Variants in GPC6 observed in about 807,000 individuals in gnomAD.
GPC6 encodes glypican-6.
A neutral mutation model predicts 55.2 loss-of-function variants in GPC6; 14 were observed. The observed-to-expected ratio is 0.25, with a 90% CI of 0.17 to 0.40. The LOEUF (loss-of-function observed/expected upper bound fraction) is 0.40. GPC6 is among the 10% of genes least tolerant of loss of function. The pLI is 1.00. For missense variants in GPC6, 641 were observed against 708.5 expected (o/e 0.90, Z 1.08); for synonymous variants, 278 against 259.6 (o/e 1.07, Z -0.68).
chr13:93,679,844 A>G (rs1046965889), intron 2 of GPC6, among the ~76,000 whole-genome samples: 1 of 151,696 alleles, frequency 6.6e-6, no homozygotes, highest in African/African-American at 2.4e-5. Context: ...AAAAAAATGA[A>G]CAAAGCAGTC....
At chr13:93,456,581 G>A (rs1412169211) in intron 1 of GPC6, among the ~76,000 whole-genome samples, 5 of 151,894 alleles carry the variant, frequency 3.3e-5, no homozygotes, top group Non-Finnish European at 5.9e-5. Context: ...ACAAAGAACC[G>A]CAAACTGGGT....
At chr13:94,333,521 G>A (rs1047231459) in intron 6 of GPC6, among the ~76,000 whole-genome samples, 2 of 152,170 alleles carry the variant, frequency 1.3e-5, no homozygotes, top group Admixed American at 6.5e-5. Flanking sequence ...TCAATGCATT[G>A]TCCTTTAGTT....
chr13:93,776,841 G>T (rs931051222), intron 2 of GPC6, among the ~76,000 whole-genome samples: 1 of 152,246 alleles, frequency 6.6e-6, no homozygotes, highest in East Asian at 1.9e-4. Flanking sequence ...TGACTGGTTT[G>T]CAGGCTTACA....
chr13:94,280,388 C>T (rs894141969), intron 4 of GPC6, among the ~76,000 whole-genome samples: 1 of 152,174 alleles, frequency 6.6e-6, no homozygotes, highest in African/African-American at 2.4e-5. Context: ...CTTATGTACT[C>T]CTCAGTCCCC....
At chr13:93,355,027 C>A (rs768395173) in intron 1 of GPC6, among the ~76,000 whole-genome samples, 10 of 152,142 alleles carry the variant, frequency 6.6e-5, no homozygotes, top group Non-Finnish European at 1.0e-4. Context: ...GTTGCAGAAG[C>A]TATAAGGAGT....
At chr13:94,012,565 G>T (rs973206344) in intron 3 of GPC6, among the ~76,000 whole-genome samples, 1 of 152,078 alleles carries the variant, frequency 6.6e-6, no homozygotes, top group African/African-American at 2.4e-5. Context: ...TTTATGTTTT[G>T]TACATCCAGA....
Position 93,227,735 on chromosome 13 carries a change from G to A in GPC6, c.160+119G>A. The stretch of plus-strand genomic sequence containing the variant: ...GAGTTGGTGCTCACTTTCTGCCACC[G>A]CTATGGGACTCCGCGTCTCCGTGTT... On this transcript the variant is annotated intron_variant, in intron 1 of 8. Coordinates refer to ENST00000377047, the MANE Select transcript of GPC6 (RefSeq NM_005708.5). The surrounding 1 kb of genome is among the most constrained non-coding windows in gnomAD (Gnocchi z 4.3). 1.3e-6 allele frequency: 1 copy of A among 742,788 alleles called. No individual in the cohort carries two copies. Among genetic ancestry groups the A allele is most frequent in the African/African-American group, 1.8e-5 (1 of 56,940 alleles). 46.0% of individuals were successfully genotyped at this position (742,788 alleles called of 1,614,324 possible).
intron 8 of GPC6, 116 bp downstream of exon 8, chr13:94,398,757 C>T: frequency 1.2e-6 from 1 of 835,258 alleles, no homozygotes; most frequent in South Asian, 1.4e-5. Flanking sequence ...CATTCTTCCT[C>T]AGGCTGTGAT....
chr13:93,330,890 C>T (rs184983977), intron 1 of GPC6, among the ~76,000 whole-genome samples: 1 of 152,284 alleles, frequency 6.6e-6, no homozygotes, highest in East Asian at 1.9e-4. Context: ...AACATCATAT[C>T]TTCTTACAGT....
chr13:93,450,075 C>T lies in GPC6; in HGVS notation c.161-95188C>T, dbSNP rs574295908. 5.3e-5 allele frequency among the ~76,000 whole-genome samples: 8 copies of T among 152,222 alleles called. No homozygotes were observed. The South Asian group carries it at 8.3e-4, about 16-fold the overall frequency. On this transcript the variant is annotated intron_variant, in intron 1 of 8. Coordinates refer to ENST00000377047, the MANE Select transcript of GPC6 (RefSeq NM_005708.5). ...GTGTGCGATTACAGGCGTGAGCCAC[C>T]GCGCCTGGCCAGGTTCCACTCTTGC... is the stretch of plus-strand genomic sequence containing the variant.
At chr13:94,183,635 A>G (rs1177843874) in intron 4 of GPC6, among the ~76,000 whole-genome samples, 11 of 152,184 alleles carry the variant, frequency 7.2e-5, no homozygotes, top group African/African-American at 2.7e-4. Context: ...TCATGAAACC[A>G]CCAAACAGTT....
chr13:94,075,151 C>T (rs1884865232), intron 4 of GPC6, among the ~76,000 whole-genome samples: 1 of 152,120 alleles, frequency 6.6e-6, no homozygotes, highest in African/African-American at 2.4e-5. Flanking sequence ...GAAGTCATAA[C>T]CAATTTATGA....
chr13:94,041,431 A>T (rs1057086479), intron 4 of GPC6, among the ~76,000 whole-genome samples: 1 of 151,890 alleles, frequency 6.6e-6, no homozygotes, highest in Non-Finnish European at 1.5e-5. Context: ...AGAAGGCATT[A>T]GGGGACTTAT....
intron 3 of GPC6, among the ~76,000 whole-genome samples, chr13:93,897,530 A>G (rs186210768): frequency 5.9e-5 from 9 of 152,254 alleles, no homozygotes; most frequent in African/African-American, 1.7e-4. Context: ...TAACTACAGC[A>G]TATACCAATT....
At chr13:93,630,404 A>G (rs1057011031) in intron 2 of GPC6, among the ~76,000 whole-genome samples, 4 of 152,178 alleles carry the variant, frequency 2.6e-5, no homozygotes, top group Admixed American at 1.3e-4. Context: ...TAGGGTTCAC[A>G]TTTCAGACAT....
the GPC6 span, among the ~76,000 whole-genome samples, chr13:93,217,494 C>G: frequency 6.6e-6 from 1 of 152,124 alleles, no homozygotes; most frequent in Non-Finnish European, 1.5e-5. Flanking sequence ...TTACTGTATT[C>G]AAATGTTCTT....
intron 2 of GPC6, among the ~76,000 whole-genome samples, chr13:93,695,077 T>A (rs1310819390): frequency 2.0e-5 from 3 of 152,116 alleles, no homozygotes; most frequent in Non-Finnish European, 4.4e-5. Context: ...AAAAGAATAA[T>A]CAAGCTTGTT....
intron 1 of GPC6, among the ~76,000 whole-genome samples, chr13:93,267,580 C>T (rs1246074520): frequency 6.6e-6 from 1 of 151,946 alleles, no homozygotes; most frequent in African/African-American, 2.4e-5. Context: ...AAGTGAAGGC[C>T]CTTTATGATT....
At chr13:93,469,339 G>C (rs772511023) in intron 1 of GPC6, among the ~76,000 whole-genome samples, 1 of 151,838 alleles carries the variant, frequency 6.6e-6, no homozygotes, top group Non-Finnish European at 1.5e-5. Context: ...TTATAGATTT[G>C]GTAAACATCA....
Sources: gnomAD v4.1 joint callset for allele counts (sites outside exome capture counted in the v4.1 genomes callset) on GRCh38, gnomAD v4.1.1 for gene constraint, Gnocchi (gnomAD v3.1) non-coding constraint, MANE v1.5 for transcripts, NCBI Gene and HGNC (gene_info 2026-07-23, HGNC 2026-07-21) for gene names.